CHLSN: variants seen among roughly 807,000 people sequenced by gnomAD.
The protein encoded by CHLSN is protein cholesin.
the CHLSN span, among the ~76,000 whole-genome samples, chr7:1,011,768 C>A: frequency 6.6e-6 from 1 of 152,174 alleles, no homozygotes; most frequent in South Asian, 2.1e-4. Context: ...AACACACCCA[C>A]AGCCACACCC....
chr7:1,016,827 G>GCACAGCAGCGCACGCCAGCA, the CHLSN span, among the ~76,000 whole-genome samples: 2 of 59,150 alleles, frequency 3.4e-5, 1 homozygote, highest in Admixed American at 3.7e-4. Flanking sequence ...GCACAGCAGC[G>GCACAGCAGCGCACGCCAGCA]CACAGCAGCG....
the CHLSN span, among the ~76,000 whole-genome samples, chr7:1,022,477 G>A: frequency 5.3e-5 from 8 of 152,322 alleles, no homozygotes; most frequent in Admixed American, 5.2e-4. Context: ...TGAGAAACAA[G>A]AGTTTTTTAA....
chr7:997,972 AAG>A, the CHLSN span, among the ~76,000 whole-genome samples: 3 of 152,242 alleles, frequency 2.0e-5, no homozygotes, highest in Non-Finnish European at 2.9e-5. Context: ...CAGACACTGG[AAG>A]AAGAAATGCC....
the CHLSN span, among the ~76,000 whole-genome samples, chr7:1,131,182 C>A: frequency 0.091 from 10,549 of 115,760 alleles, 810 homozygotes; most frequent in African/African-American, 0.24. Flanking sequence ...AAGAATGAGA[C>A]CTTGTGTTTA....
the CHLSN span, among the ~76,000 whole-genome samples, chr7:1,040,346 T>G: frequency 4.0e-4 from 61 of 151,736 alleles, no homozygotes; most frequent in African/African-American, 1.5e-3. Context: ...ACTTTAAAAA[T>G]TAGACAAGCA....
chr7:1,050,758 C>T, the CHLSN span, among the ~76,000 whole-genome samples: 1 of 152,218 alleles, frequency 6.6e-6, no homozygotes, highest in Admixed American at 6.5e-5. Context: ...GGAGTGAGCA[C>T]CGCTCAGTAG....
At chr7:1,122,137 C>A in the CHLSN span, among the ~76,000 whole-genome samples, 3 of 152,212 alleles carry the variant, frequency 2.0e-5, no homozygotes, top group Non-Finnish European at 4.4e-5. Flanking sequence ...AGTCTCTTCC[C>A]CAGGACCAGC....
chr7:1,093,689 T>C, the CHLSN span: 14 of 469,200 alleles, frequency 3.0e-5, no homozygotes, highest in Admixed American at 1.9e-4. Context: ...CGAATTTGTT[T>C]CTACAGAAAT....
the CHLSN span, among the ~76,000 whole-genome samples, chr7:1,084,864 CCTGCAGAATCAGGGGGACCCATGCTG>C: frequency 6.6e-6 from 1 of 152,244 alleles, no homozygotes; most frequent in South Asian, 2.1e-4. Flanking sequence ...GGGCTCTGCT[CCTGCAGAATCAGGGGGACCCATGCTG>C]CTGCCTACCA....
the CHLSN span, among the ~76,000 whole-genome samples, chr7:1,090,990 A>G: frequency 6.6e-6 from 1 of 152,158 alleles, no homozygotes; most frequent in Non-Finnish European, 1.5e-5. Flanking sequence ...TCTCAGAAAC[A>G]CTGGCTTTCC....
At chr7:1,088,147 C>G in the CHLSN span, 1 of 152,350 alleles carries the variant, frequency 6.6e-6, no homozygotes, top group African/African-American at 2.4e-5. The surrounding 1 kb of genome is among the most constrained non-coding windows in gnomAD (Gnocchi z 4.5). Flanking sequence ...CGCCAGCCAG[C>G]CGGGAACCTT....
the CHLSN span, among the ~76,000 whole-genome samples, chr7:1,083,215 T>G: frequency 3.9e-5 from 6 of 152,178 alleles, no homozygotes; most frequent in Admixed American, 1.3e-4. Context: ...AAACTGCCAA[T>G]GCCTTGTAGG....
chr7:1,115,246 G>A, the CHLSN span, among the ~76,000 whole-genome samples: 1 of 152,182 alleles, frequency 6.6e-6, no homozygotes, highest in Non-Finnish European at 1.5e-5. Flanking sequence ...TCATGTCTGG[G>A]TGTTAAATTT....
chr7:1,017,770 C>T, the CHLSN span, among the ~76,000 whole-genome samples: 1 of 152,188 alleles, frequency 6.6e-6, no homozygotes, highest in Non-Finnish European at 1.5e-5. Flanking sequence ...GGGGCAGCTG[C>T]GGACGGCAGG....
the CHLSN span, among the ~76,000 whole-genome samples, chr7:1,136,960 T>C: frequency 6.6e-6 from 1 of 152,114 alleles, no homozygotes; most frequent in Admixed American, 6.6e-5. Flanking sequence ...TAAGATCCCA[T>C]AGGTACCCAG....
At chr7:1,124,070 G>A in the CHLSN span, among the ~76,000 whole-genome samples, 4 of 152,360 alleles carry the variant, frequency 2.6e-5, no homozygotes, top group South Asian at 2.1e-4. Context: ...GCAGAGTCCA[G>A]CCCTCAAAGC....
the CHLSN span, among the ~76,000 whole-genome samples, chr7:1,015,211 G>T: frequency 1.3e-5 from 2 of 152,202 alleles, no homozygotes; most frequent in African/African-American, 4.8e-5. Flanking sequence ...GGGGGCTGAG[G>T]GGTGAGGAAA....
At chr7:1,036,231 C>T in the CHLSN span, among the ~76,000 whole-genome samples, 1 of 152,218 alleles carries the variant, frequency 6.6e-6, no homozygotes, top group Non-Finnish European at 1.5e-5. Flanking sequence ...GCATGCCATA[C>T]CAAGAGGGGC....
the CHLSN span, among the ~76,000 whole-genome samples, chr7:983,729 C>A: frequency 2.6e-5 from 4 of 152,340 alleles, no homozygotes; most frequent in Admixed American, 2.0e-4. Flanking sequence ...CTGGGCCTGT[C>A]GGCTGCCTGC....
Sources: allele counts gnomAD v4.1 joint callset (sites outside exome capture counted in the v4.1 genomes callset), GRCh38; gene constraint gnomAD v4.1.1; non-coding constraint Gnocchi (gnomAD v3.1); transcripts MANE v1.5; gene names NCBI Gene and HGNC (gene_info 2026-07-23, HGNC 2026-07-21).